Variants in KIAA0513 observed in about 807,000 individuals in gnomAD.
KIAA0513 encodes the protein uncharacterized protein KIAA0513.
A neutral mutation model predicts 56.5 loss-of-function variants in KIAA0513; 39 were observed. The ratio of observed to expected loss-of-function variants is 0.69; its 90% CI spans 0.53 to 0.90. KIAA0513 has a LOEUF of 0.90. Among genes scored for constraint, KIAA0513 ranks in the 40% least tolerant of loss-of-function variants. The pLI, the probability that KIAA0513 is intolerant of heterozygous loss-of-function variation, is 0.00. For synonymous variants in KIAA0513, 268 were observed against 215.6 expected (o/e 1.24, Z -2.13); for missense variants, 591 against 535.2 (o/e 1.10, Z -1.03).
At chr16:85,075,537 G>A (rs2073643512) in intron 4 of KIAA0513, among the ~76,000 whole-genome samples, 2 of 152,178 alleles carry the variant, frequency 1.3e-5, no homozygotes, top group South Asian at 4.1e-4. Flanking sequence ...TGAGACTTGA[G>A]GGCTGGCATC....
At chr16:85,078,562 G>A in intron 7 of KIAA0513, 107 bp downstream of exon 7, 2 of 1,089,786 alleles carry the variant, frequency 1.8e-6, no homozygotes, top group Non-Finnish European at 1.4e-6. Context: ...CGGAGCATGG[G>A]CACCTTGCCC....
intron 1 of KIAA0513, among the ~76,000 whole-genome samples, chr16:85,050,059 G>A (rs991378468): frequency 1.3e-5 from 2 of 152,118 alleles, no homozygotes; most frequent in African/African-American, 2.4e-5. Flanking sequence ...GCCTTATGGC[G>A]GGTTCTAACA....
chr16:85,054,416 C>G (rs370705305), intron 1 of KIAA0513, among the ~76,000 whole-genome samples: 1 of 125,530 alleles, frequency 8.0e-6, no homozygotes. Flanking sequence ...TTTTCTTTTT[C>G]TTTTCTTTTT....
intron 5 of KIAA0513, 115 bp from the exon 6 acceptor site, chr16:85,077,310 A>T: frequency 1.1e-6 from 1 of 931,826 alleles, no homozygotes; most frequent in Non-Finnish European, 1.6e-6. Context: ...CTGAGGAGGG[A>T]GGCTCCCGTA....
At chr16:85,073,205 T>C (rs2073605293) in intron 4 of KIAA0513, among the ~76,000 whole-genome samples, 1 of 152,194 alleles carries the variant, frequency 6.6e-6, no homozygotes. Flanking sequence ...AGTCCTTAGC[T>C]GGCAGCGAAT....
At chr16:85,080,661 G>C (rs1275960597) in intron 8 of KIAA0513, among the ~76,000 whole-genome samples, 1 of 152,132 alleles carries the variant, frequency 6.6e-6, no homozygotes, top group East Asian at 1.9e-4. Context: ...GGGTGTGGTG[G>C]CGCATGCCTA....
At position 85,058,121 on chromosome 16, in the gene KIAA0513, G is replaced by A. The variant is rs899588166; in HGVS notation, c.-172-8779G>A. ...ATTTTGGTTATCAAATCAGAACCTC[G>A]GCACTTCAGGCCCTCTTCAGAGAAT... On this transcript the variant is annotated intron_variant, in intron 1 of 12. Transcript: ENST00000683363. 1.5e-4 allele frequency among the ~76,000 whole-genome samples: 23 copies of A among 152,140 alleles called. 2 individuals carry two copies. The highest frequency in any genetic ancestry group is 2.9e-5 in the Non-Finnish European group (2 of 68,034).
At chr16:85,056,030 A>G (rs1740330623) in intron 1 of KIAA0513, among the ~76,000 whole-genome samples, 2 of 152,098 alleles carry the variant, frequency 1.3e-5, no homozygotes, top group Non-Finnish European at 2.9e-5. Context: ...TGCACTCTAA[A>G]TGGTTCTGTG....
intron 1 of KIAA0513, among the ~76,000 whole-genome samples, chr16:85,047,040 G>T (rs898563658): frequency 6.6e-6 from 1 of 152,230 alleles, no homozygotes; most frequent in African/African-American, 2.4e-5. Flanking sequence ...TTAGGAAGCT[G>T]TGGTTCCTGA....
intron 1 of KIAA0513, among the ~76,000 whole-genome samples, chr16:85,058,052 G>C (rs146140844): frequency 3.9e-5 from 6 of 152,320 alleles, no homozygotes; most frequent in African/African-American, 1.4e-4. Flanking sequence ...GTTCACAGCA[G>C]AATGACAATT....
chr16:85,057,391 G>A (rs997578480), intron 1 of KIAA0513, among the ~76,000 whole-genome samples: 5 of 152,202 alleles, frequency 3.3e-5, no homozygotes, highest in South Asian at 2.1e-4. Context: ...ACAGGGCGAC[G>A]GGAGGAGGTG....
rs2073887674 is a variant in KIAA0513, at chr16:85,093,174, T to G, written c.*4849T>G. 7.2e-6 allele frequency: 1 copy of G among 138,160 alleles called. No homozygotes were observed. The highest frequency in any genetic ancestry group is 1.5e-5 in the Non-Finnish European group (1 of 65,942). 8.6% of individuals were successfully genotyped at this position (138,160 alleles called of 1,614,324 possible). The stretch of plus-strand genomic sequence containing the variant: ...GCAGAGTGCAGTGAGTGAGAGTCCT[T>G]GGGAGCGCGGCGCTGCCTGTAGCTG... On this transcript the variant is annotated 3_prime_UTR_variant, in exon 13 of 13. Transcript: ENST00000683363.
rs3794677 is a variant in KIAA0513, at chr16:85,066,048, C to T, written c.-172-852C>T. Among the ~76,000 whole-genome samples the T allele has an allele frequency of 6.6e-5, 10 of 152,114 alleles. No homozygotes were observed. In the South Asian group the frequency reaches 2.1e-3, roughly 32 times the overall value. ...CCAGGGCATGGTCCCTCTGGAGGGGCGTATACTTTACGGGTAAACAGAGAT... is the reference window on the plus strand; with the variant it reads ...CCAGGGCATGGTCCCTCTGGAGGGGTGTATACTTTACGGGTAAACAGAGAT... On this transcript the variant is annotated intron_variant, in intron 1 of 12. Coordinates refer to ENST00000683363, the MANE Select transcript of KIAA0513 (RefSeq NM_001388359.1).
Position 85,082,607 on chromosome 16 carries a change from C to T in KIAA0513, c.1010+14C>T, listed in dbSNP as rs750786395. 6 of 1,613,858 alleles carry T rather than the reference C, an allele frequency of 3.7e-6. No homozygotes were observed. The highest frequency in any genetic ancestry group is 2.2e-5 in the East Asian group (1 of 44,852). Reference sequence around the variant, plus strand: ...GGAGGAGAAGAGGTGTGTGTGTCCACGTGACTTTGTTCCATTTTACAGTGC... The same window carrying T: ...GGAGGAGAAGAGGTGTGTGTGTCCATGTGACTTTGTTCCATTTTACAGTGC... On this transcript the variant is annotated intron_variant, in intron 10 of 12. Coordinates refer to ENST00000683363, the MANE Select transcript of KIAA0513 (RefSeq NM_001388359.1).
In KIAA0513 at chr16:85,088,305, G is replaced by T. The variant is rs867721943; in HGVS notation, c.1216G>T (p.Glu406Ter). The T allele has an allele frequency of 6.2e-7, 1 of 1,611,976 alleles. No homozygotes were observed. Among genetic ancestry groups the T allele is most frequent in the Non-Finnish European group, 8.5e-7 (1 of 1,179,914 alleles). Reference protein sequence around the residue: ...EQYKLLSDHIEQMATE With the variant: ...EQYKLLSDHI ...ATACAAGCTGCTTAGTGACCACATT[G>T]AGCAAATGGCCACTGAGTAGGCCCC... Residue 406 changes from glutamate to a stop codon, truncating the protein, a stop_gained, in exon 13 of 13, where the codon GAG becomes TAG. Transcript: ENST00000683363. LOFTEE classifies it high-confidence loss of function.
chr16:85,030,110 C>T (rs2072942535), intron 1 of KIAA0513, among the ~76,000 whole-genome samples: 1 of 152,196 alleles, frequency 6.6e-6, no homozygotes, highest in Non-Finnish European at 1.5e-5. Flanking sequence ...CCCGGCTTAC[C>T]GAGTCTGCCG....
chr16:85,057,374 C>T lies in KIAA0513; in HGVS notation c.-172-9526C>T, dbSNP rs536865394. Among the ~76,000 whole-genome samples, 10 of 152,314 alleles carry T rather than the reference C, an allele frequency of 6.6e-5. No individual in the cohort carries two copies. The East Asian group carries it at 7.7e-4, about 12-fold the overall frequency. On this transcript the variant is annotated intron_variant, in intron 1 of 12. Coordinates refer to ENST00000683363, the MANE Select transcript of KIAA0513 (RefSeq NM_001388359.1). ...CCTTAAACTGTTTCTCCCCCATCAC[C>T]AAGTGTACAGGGCGACGGGAGGAGG...
intron 1 of KIAA0513, among the ~76,000 whole-genome samples, chr16:85,053,270 G>A (rs1291406486): frequency 1.3e-5 from 2 of 152,162 alleles, no homozygotes; most frequent in Admixed American, 6.5e-5. Context: ...CATCATGCCT[G>A]ATACACGGAA....
At chr16:85,073,112 A>C in intron 4 of KIAA0513, 114 bp downstream of exon 4, 1 of 882,346 alleles carries the variant, frequency 1.1e-6, no homozygotes, top group Non-Finnish European at 1.9e-6. Context: ...CACACTAGTC[A>C]TCAGGTTGCA....
Sources: gnomAD v4.1 joint callset for allele counts (sites outside exome capture counted in the v4.1 genomes callset) on GRCh38, gnomAD v4.1.1 for gene constraint, MANE v1.5 for transcripts, NCBI Gene and HGNC (gene_info 2026-07-23, HGNC 2026-07-21) for gene names.